CDKN2A: variants seen among roughly 807,000 people sequenced by gnomAD.
CDKN2A encodes cyclin dependent kinase inhibitor 2A, also known as cyclin-dependent kinase inhibitor 2A.
CDKN2A carries 3 observed loss-of-function variants against 11.1 expected under a neutral mutation model. That is an observed-to-expected ratio of 0.27 (90% CI 0.12 to 0.70). CDKN2A has a LOEUF of 0.70. Ranked by LOEUF, CDKN2A falls within the 30% of genes least tolerant of loss-of-function variation. CDKN2A has a pLI of 0.77. For missense variants in CDKN2A, 265 were observed against 233.6 expected, an observed-to-expected ratio of 1.13 and a Z score of -0.88; for synonymous variants, 122 against 108.1, an observed-to-expected ratio of 1.13 and a Z score of -0.80.
chr9:21,974,328 A>G lies in CDKN2A; in HGVS notation c.150+350T>C, dbSNP rs578230729. On this transcript the variant is annotated intron_variant, in intron 1 of 2. Coordinates refer to ENST00000304494, the MANE Select transcript of CDKN2A (RefSeq NM_000077.5). This position sits in a 1 kb window ranked among gnomAD's most constrained non-coding sequence, Gnocchi z 5.2. ...TGTGAATTGGAGGCTAAGTAGTCCCAGCACATCTTACATTTCTTTAAGACT... is the reference window on the plus strand; with the variant it reads ...TGTGAATTGGAGGCTAAGTAGTCCCGGCACATCTTACATTTCTTTAAGACT... 5.6e-5 allele frequency: 71 copies of G among 1,265,596 alleles called. No individual in the cohort carries two copies. In the South Asian group the frequency reaches 9.1e-4, roughly 16 times the overall value. The allele number at this position is 1,265,596 out of a possible 1,614,324, so 78.4% of individuals were successfully genotyped here.
At position 21,968,767 on chromosome 9, in the gene CDKN2A, C is replaced by T; in HGVS notation, c.458-525G>A. The T allele has an allele frequency of 6.5e-7, 1 of 1,536,128 alleles. No individual in the cohort carries two copies. The highest frequency in any genetic ancestry group is 8.7e-7 in the Non-Finnish European group (1 of 1,146,900). On this transcript the variant is annotated intron_variant, in intron 2 of 2. Transcript: ENST00000304494. This position sits in a 1 kb window ranked among gnomAD's most constrained non-coding sequence, Gnocchi z 4.7. ...TACAAACCCACAAATGGTTTCCGAT[C>T]ATTTCTGAAACAAAATGGATGCTCA...
At chr9:21,986,131 T>C (rs1037555779) in intron 2 of CDKN2A, among the ~76,000 whole-genome samples, 1 of 152,070 alleles carries the variant, frequency 6.6e-6, no homozygotes, top group Non-Finnish European at 1.5e-5. Context: ...TCATACTTCA[T>C]TCTGGTACCA....
At chr9:21,969,126 G>A (rs1819562987) in intron 2 of CDKN2A, among the ~76,000 whole-genome samples, 1 of 152,164 alleles carries the variant, frequency 6.6e-6, no homozygotes. Flanking sequence ...TGTTTCCCAG[G>A]TCGGGCAAGA....
intron 2 of CDKN2A, among the ~76,000 whole-genome samples, chr9:21,990,249 G>C (rs1050853163): frequency 2.6e-5 from 4 of 152,148 alleles, no homozygotes; most frequent in Non-Finnish European, 5.9e-5. Flanking sequence ...AACAGGTATA[G>C]CTACGGATTT....
At chr9:21,994,812 C>A (rs1393582183) in intron 1 of CDKN2A, 3 of 173,514 alleles carry the variant, frequency 1.7e-5, no homozygotes, top group African/African-American at 4.8e-5. Context: ...TCACCTGACA[C>A]GGCCCTACCA....
rs1554657863 is a variant in CDKN2A, at chr9:21,981,035, T to TAC, written c.-3-9829_-3-9828dup. Among the ~76,000 whole-genome samples the TAC allele has an allele frequency of 1.8e-3, 23 of 12,492 alleles. 7 individuals are homozygous for TAC. The highest frequency in any genetic ancestry group is 3.1e-3 in the African/African-American group (18 of 5,726). 8.2% of individuals were successfully genotyped at this position (12,492 alleles called of 152,430 possible). ...ATATATATATACGTGTATATATATA[T>TAC]ACGTGTATATATATATATACGTGTA... On this transcript the variant is annotated intron_variant, in intron 2 of 3. Coordinates refer to the CDKN2A transcript ENST00000494262.
At chr9:21,983,349 T>C (rs1820238130) in intron 2 of CDKN2A, among the ~76,000 whole-genome samples, 1 of 152,110 alleles carries the variant, frequency 6.6e-6, no homozygotes, top group Non-Finnish European at 1.5e-5. Context: ...TTTTCTTTGC[T>C]TAATCTTTAC....
Position 21,974,337 on chromosome 9 carries a change from T to G in CDKN2A, c.150+341A>C. The stretch of plus-strand genomic sequence containing the variant: ...GAGGCTAAGTAGTCCCAGCACATCT[T>G]ACATTTCTTTAAGACTCCCTTTTTA... On this transcript the variant is annotated intron_variant, in intron 1 of 2. Coordinates refer to ENST00000304494, the MANE Select transcript of CDKN2A (RefSeq NM_000077.5). This position sits in a 1 kb window ranked among gnomAD's most constrained non-coding sequence, Gnocchi z 5.2. The G allele has an allele frequency of 7.3e-7, 1 of 1,361,082 alleles. No homozygotes were observed. The highest frequency in any genetic ancestry group is 9.8e-7 in the Non-Finnish European group (1 of 1,022,386). 84.3% of individuals were successfully genotyped at this position (1,361,082 alleles called of 1,614,324 possible).
chr9:21,968,361 G>A lies in CDKN2A; in HGVS notation c.458-119C>T. 2 of 1,504,062 alleles carry A rather than the reference G, an allele frequency of 1.3e-6. No homozygotes were observed. The highest frequency in any genetic ancestry group is 1.8e-6 in the Non-Finnish European group (2 of 1,099,606). 93.2% of individuals were successfully genotyped at this position (1,504,062 alleles called of 1,614,324 possible). ...TGAAATACTTATGGATAAAGTTCTCGCAATGGCTTCACGTGCATGTACCCG... is the reference window on the plus strand; with the variant it reads ...TGAAATACTTATGGATAAAGTTCTCACAATGGCTTCACGTGCATGTACCCG... On this transcript the variant is annotated intron_variant, in intron 2 of 2. Transcript: ENST00000304494. This position sits in a 1 kb window ranked among gnomAD's most constrained non-coding sequence, Gnocchi z 4.7.
chr9:21,974,846 C>A lies in CDKN2A; in HGVS notation c.-19G>T. On this transcript the variant is annotated 5_prime_UTR_variant, in exon 1 of 3. Transcript: ENST00000304494. The surrounding 1 kb of genome is among the most constrained non-coding windows in gnomAD (Gnocchi z 5.2). ...GCTCCATGCTGCTCCCCGCCGCCCG[C>A]TGCCTGCTCTCCCCCTCTCCGCAGC... is the stretch of plus-strand genomic sequence containing the variant. 6.4e-7 allele frequency: 1 copy of A among 1,557,004 alleles called. No individual in the cohort carries two copies. The highest frequency in any genetic ancestry group is 1.2e-5 in the South Asian group (1 of 85,116).
chr9:21,981,881 G>A (rs537793266), intron 2 of CDKN2A, among the ~76,000 whole-genome samples: 1 of 152,270 alleles, frequency 6.6e-6, no homozygotes, highest in East Asian at 1.9e-4. Context: ...GATAGCTTCA[G>A]CATGAAAGGG....
chr9:21,994,827 C>T (rs1408127011), exon 1 of CDKN2A: 3 of 167,716 alleles, frequency 1.8e-5, no homozygotes, highest in Non-Finnish European at 3.8e-5. Context: ...CTACCAGGAA[C>T]AGCCGCGCTC....
chr9:21,989,335 T>A (rs1820369594), intron 2 of CDKN2A: 1 of 152,238 alleles, frequency 6.6e-6, no homozygotes, highest in South Asian at 2.1e-4. Flanking sequence ...TGGAAATTGA[T>A]CTTGTTTTAA....
intron 2 of CDKN2A, chr9:21,970,605 G>T: frequency 1.7e-6 from 1 of 593,142 alleles, no homozygotes; most frequent in Non-Finnish European, 3.0e-6. Context: ...AGTCTTCATT[G>T]CTCCGCAGTC....
At chr9:21,972,157 C>T (rs1236081718) in intron 1 of CDKN2A, among the ~76,000 whole-genome samples, 1 of 152,018 alleles carries the variant, frequency 6.6e-6, no homozygotes, top group African/African-American at 2.4e-5. Context: ...TCTCCAATTC[C>T]AAAACTTCAA....
chr9:21,994,387 A>T, intron 1 of CDKN2A: 5 of 1,607,694 alleles, frequency 3.1e-6, no homozygotes, highest in Non-Finnish European at 4.2e-6. Flanking sequence ...CTTTGGCACC[A>T]GAGGTGAGCA....
upstream of CDKN2A, among the ~76,000 whole-genome samples, chr9:21,976,758 G>A (rs966449805): frequency 1.3e-5 from 2 of 151,990 alleles, no homozygotes; most frequent in African/African-American, 4.8e-5. Flanking sequence ...AGACCAAGAA[G>A]AACTTACTCC....
At chr9:21,980,152 A>G (rs2811709) in intron 2 of CDKN2A, among the ~76,000 whole-genome samples, 134,908 of 152,198 alleles carry the variant, frequency 0.89, 59,828 homozygotes, top group East Asian at 0.98. Flanking sequence ...TTTTGACTGC[A>G]AAATCTTTTG....
At chr9:21,986,507 A>G (rs1385756641) in intron 2 of CDKN2A, among the ~76,000 whole-genome samples, 4 of 151,888 alleles carry the variant, frequency 2.6e-5, no homozygotes. Flanking sequence ...TATTTATAGC[A>G]CTCCATGGGC....
Sources: allele counts gnomAD v4.1 joint callset (sites outside exome capture counted in the v4.1 genomes callset), GRCh38; gene constraint gnomAD v4.1.1; non-coding constraint Gnocchi (gnomAD v3.1); transcripts MANE v1.5; gene names NCBI Gene and HGNC (gene_info 2026-07-23, HGNC 2026-07-21).